The following OPTN variants were observed in gnomAD, a reference collection of about 807,000 sequenced individuals.
OPTN encodes the protein optineurin, also known as E3-14.7K-interacting protein.
A neutral mutation model predicts 70.4 loss-of-function variants in OPTN; 54 were observed. The ratio of observed to expected loss-of-function variants is 0.77; its 90% CI spans 0.62 to 0.96. The LOEUF (loss-of-function observed/expected upper bound fraction) is 0.96. Among genes scored for constraint, OPTN ranks in the 40% least tolerant of loss-of-function variants. OPTN has a pLI of 0.00. For missense variants in OPTN, 624 were observed against 673.2 expected (o/e 0.93, Z 0.81); for synonymous variants, 256 against 248.5 (o/e 1.03, Z -0.28).
At chr10:13,130,063 A>C (rs968221144) in intron 12 of OPTN, among the ~76,000 whole-genome samples, 1 of 152,172 alleles carries the variant, frequency 6.6e-6, no homozygotes, top group Non-Finnish European at 1.5e-5. Context: ...TTCTAGACAT[A>C]GACATTTGTT....
chr10:13,111,912 A>G (rs1564356973), intron 4 of OPTN, among the ~76,000 whole-genome samples: 1 of 137,478 alleles, frequency 7.3e-6, no homozygotes, highest in African/African-American at 2.8e-5. Context: ...CAGTGGCATA[A>G]TCTCGGCTCA....
At chr10:13,109,588 G>A (rs1832948359) in intron 3 of OPTN, 5 of 359,212 alleles carry the variant, frequency 1.4e-5, no homozygotes, top group South Asian at 1.1e-4. Flanking sequence ...CACTTTGGGA[G>A]GCCGAGGCAG....
At chr10:13,133,616 A>G (rs1449414444) in intron 14 of OPTN, 35 bp downstream of exon 14, 1 of 1,571,632 alleles carries the variant, frequency 6.4e-7, no homozygotes, top group Non-Finnish European at 8.8e-7. Flanking sequence ...TTCAGGAAAT[A>G]GCTATCCTAT....
chr10:13,123,443 T>C (rs894422511), intron 8 of OPTN, among the ~76,000 whole-genome samples: 9 of 152,224 alleles, frequency 5.9e-5, no homozygotes, highest in Non-Finnish European at 1.2e-4. Flanking sequence ...AGAGAACATT[T>C]AGAAAACAGA....
intron 13 of OPTN, 53 bp from the exon 14 acceptor site, chr10:13,133,449 C>T: frequency 2.7e-6 from 4 of 1,469,990 alleles, no homozygotes; most frequent in Non-Finnish European, 3.8e-6. Context: ...TCAGTGTTGT[C>T]ATGTTTCGGG....
rs1833099499 is a variant in OPTN, at chr10:13,114,804, A to ATATAAG, written c.553-1459_553-1458insAGTATA. 5.5e-5 allele frequency among the ~76,000 whole-genome samples: 4 copies of ATATAAG among 73,162 alleles called. 1 individual carries two copies. Among genetic ancestry groups the ATATAAG allele is most frequent in the Non-Finnish European group, 7.0e-5 (3 of 42,628 alleles). The allele number at this position is 73,162 out of a possible 152,430, so 48.0% of individuals were successfully genotyped here. ...TATATAATTATATAATTATATATAC[A>ATATAAG]TATATATAATTATATAATTATATAA... On this transcript the variant is annotated intron_variant, in intron 5 of 14. Transcript: ENST00000378747.
At chr10:13,115,527 A>ATATAATATAGTATATAATATATTCTATAT (rs1564360083) in intron 5 of OPTN, among the ~76,000 whole-genome samples, 1 of 70,628 alleles carries the variant, frequency 1.4e-5, no homozygotes, top group Non-Finnish European at 2.6e-5. Flanking sequence ...ATATTCTATA[A>ATATAATATAGTATATAATATATTCTATAT]TATATAATAT....
chr10:13,116,349 AG>A lies in OPTN; in HGVS notation c.626+11del, dbSNP rs765281349. On this transcript the variant is annotated intron_variant, in intron 6 of 14. Transcript: ENST00000378747. ...ACAGTCTCCACTGGCACGTATGTGAAGGAAGACTCGGGCTGTCAGGCAGACA... is the reference window on the plus strand; with the variant it reads ...ACAGTCTCCACTGGCACGTATGTGAAGAAGACTCGGGCTGTCAGGCAGACA... 1.7e-5 allele frequency: 28 copies of A among 1,609,584 alleles called. No individual in the cohort carries two copies. The highest frequency in any genetic ancestry group is 2.0e-5 in the Non-Finnish European group (24 of 1,175,892).
At chr10:13,117,451 T>G (rs1461494276) in intron 6 of OPTN, among the ~76,000 whole-genome samples, 1 of 44,548 alleles carries the variant, frequency 2.2e-5, no homozygotes, top group African/African-American at 6.2e-5. Flanking sequence ...TTTTTTTTTT[T>G]TTTTTTTTTT....
At chr10:13,114,885 ACAC>A in intron 5 of OPTN, among the ~76,000 whole-genome samples, 1 of 100,402 alleles carries the variant, frequency 1.0e-5, no homozygotes, top group Non-Finnish European at 1.9e-5. Context: ...TGTATTATAT[ACAC>A]TTACATATGT....
intron 10 of OPTN, 133 bp from the exon 11 acceptor site, chr10:13,125,813 C>T (rs113266529): frequency 7.7e-6 from 6 of 774,620 alleles, no homozygotes; most frequent in Non-Finnish European, 2.1e-6. Flanking sequence ...GTAAGAAATG[C>T]TAGTAGGTCG....
chr10:13,132,341 CCT>C (rs1833611447), intron 13 of OPTN, 144 bp downstream of exon 13: 3 of 691,568 alleles, frequency 4.3e-6, no homozygotes, highest in Admixed American at 2.9e-5. Flanking sequence ...GAGCGAGTCC[CCT>C]GTCTGAAAAA....
intron 8 of OPTN, 143 bp downstream of exon 8, chr10:13,122,630 T>C: frequency 1.4e-6 from 1 of 718,498 alleles, no homozygotes; most frequent in South Asian, 1.5e-5. Context: ...CTATTCCTTT[T>C]ATATGTCCTT....
At chr10:13,113,616 T>G (rs1350856606) in intron 5 of OPTN, among the ~76,000 whole-genome samples, 3 of 152,114 alleles carry the variant, frequency 2.0e-5, no homozygotes, top group African/African-American at 7.2e-5. Flanking sequence ...GCAGCCCTAT[T>G]GAAGAGCAGA....
chr10:13,112,649 T>C lies in OPTN; in HGVS notation c.552+14T>C, dbSNP rs770184616. ...ATTAGGATGGCTGTGAGTTTTTGGTTTTATTTTTGTTTTGAGCAAACTATA... is the reference window on the plus strand; with the variant it reads ...ATTAGGATGGCTGTGAGTTTTTGGTCTTATTTTTGTTTTGAGCAAACTATA... On this transcript the variant is annotated intron_variant, in intron 5 of 14. Transcript: ENST00000378747. 3.1e-6 allele frequency: 5 copies of C among 1,613,768 alleles called. No homozygotes were observed. The Admixed American group carries it at 5.0e-5, about 16-fold the overall frequency.
At position 13,108,195 on chromosome 10, in the gene OPTN, T is replaced by C. The variant is rs982341658; in HGVS notation, c.-106T>C. 2 of 152,222 alleles carry C rather than the reference T, an allele frequency of 1.3e-5. No homozygotes were observed. Among genetic ancestry groups the C allele is most frequent in the Non-Finnish European group, 2.9e-5 (2 of 68,038 alleles). 9.4% of individuals were successfully genotyped at this position (152,222 alleles called of 1,614,324 possible). On this transcript the variant is annotated 5_prime_UTR_variant, in exon 2 of 15. Coordinates refer to ENST00000378747, the MANE Select transcript of OPTN (RefSeq NM_001008212.2). Reference sequence around the variant, plus strand: ...TGGCCTTGGATGAGCCGTACGCCTCTGTAAACCCAACTTCCTCACCTTTGA... The same window carrying C: ...TGGCCTTGGATGAGCCGTACGCCTCCGTAAACCCAACTTCCTCACCTTTGA...
intron 5 of OPTN, among the ~76,000 whole-genome samples, chr10:13,113,006 A>G (rs1480355417): frequency 6.6e-6 from 1 of 152,064 alleles, no homozygotes; most frequent in Non-Finnish European, 1.5e-5. Context: ...GAGCGCAAAC[A>G]TATTTTCACA....
chr10:13,119,996 T>C (rs1241723665), intron 7 of OPTN, among the ~76,000 whole-genome samples: 1 of 149,608 alleles, frequency 6.7e-6, no homozygotes, highest in Non-Finnish European at 1.5e-5. Context: ...TTTTTTTTTT[T>C]TTTTGAGACG....
intron 9 of OPTN, 26 bp downstream of exon 9, chr10:13,124,136 C>T: frequency 7.5e-7 from 1 of 1,325,680 alleles, no homozygotes; most frequent in East Asian, 2.3e-5. Flanking sequence ...CAATTTTATC[C>T]TCCTTTGAAA....
Sources: allele counts gnomAD v4.1 joint callset (sites outside exome capture counted in the v4.1 genomes callset), GRCh38; gene constraint gnomAD v4.1.1; transcripts MANE v1.5; gene names NCBI Gene and HGNC (gene_info 2026-07-23, HGNC 2026-07-21).